The following ARID4A variants were observed in gnomAD, a reference collection of about 807,000 sequenced individuals.
ARID4A encodes the protein AT-rich interaction domain 4A.
ARID4A carries 39 observed loss-of-function variants against 148.6 expected under a neutral mutation model. The observed-to-expected ratio is 0.26, with a 90% confidence interval of 0.20 to 0.34. ARID4A has a LOEUF of 0.34. ARID4A is among the 10% of genes least tolerant of loss of function. ARID4A has a pLI of 1.00. For synonymous variants in ARID4A, 475 were observed against 481.2 expected, an observed-to-expected ratio of 0.99 and a Z score of 0.17; for missense variants, 1,265 against 1,449.1, an observed-to-expected ratio of 0.87 and a Z score of 2.06.
chr14:58,347,172 A>G (rs2034414141), intron 14 of ARID4A, 55 bp downstream of exon 14: 1 of 1,017,808 alleles, frequency 9.8e-7, no homozygotes. Flanking sequence ...AATATTTTCC[A>G]TTTACTTTGT....
chr14:58,324,050 G>A (rs1395121280), intron 8 of ARID4A, among the ~76,000 whole-genome samples: 1 of 151,578 alleles, frequency 6.6e-6, no homozygotes, highest in Non-Finnish European at 1.5e-5. Flanking sequence ...GACAACAGGC[G>A]CCTGCCACCA....
intron 5 of ARID4A, among the ~76,000 whole-genome samples, chr14:58,312,389 T>C (rs1378929869): frequency 6.6e-6 from 1 of 152,068 alleles, no homozygotes; most frequent in Admixed American, 6.6e-5. Context: ...CTAATTTTTA[T>C]ATTTTTAGTA....
chr14:58,301,297 AT>A, intron 2 of ARID4A, among the ~76,000 whole-genome samples: 1 of 74,434 alleles, frequency 1.3e-5, no homozygotes, highest in African/African-American at 5.1e-5. Context: ...TTCTGCTTAT[AT>A]AATAGTAGAA....
intron 17 of ARID4A, among the ~76,000 whole-genome samples, chr14:58,357,073 A>G (rs1324687232): frequency 3.9e-5 from 6 of 152,284 alleles, no homozygotes; most frequent in East Asian, 1.9e-4. Context: ...AGCCACAACA[A>G]ACAGCTAAGA....
intron 5 of ARID4A, among the ~76,000 whole-genome samples, chr14:58,317,054 G>T (rs748584851): frequency 1.3e-5 from 2 of 150,074 alleles, no homozygotes; most frequent in African/African-American, 2.4e-5. Context: ...TTAGCCGGGC[G>T]TGGTGACGTG....
At chr14:58,329,725 TCTTA>T (rs1308835487) in intron 10 of ARID4A, 121 bp downstream of exon 10, 10 of 984,330 alleles carry the variant, frequency 1.0e-5, no homozygotes, top group Non-Finnish European at 1.4e-5. Context: ...TGATATCCAC[TCTTA>T]CTTGATTTTT....
chr14:58,355,196 TG>T (rs563715424), intron 17 of ARID4A, among the ~76,000 whole-genome samples: 114 of 152,336 alleles, frequency 7.5e-4, no homozygotes, highest in African/African-American at 2.6e-3. Context: ...AGACTGCTCC[TG>T]GGTTTCTCTA....
chr14:58,337,729 AT>A (rs2033905180), intron 11 of ARID4A, among the ~76,000 whole-genome samples: 1 of 152,204 alleles, frequency 6.6e-6, no homozygotes, highest in Admixed American at 6.5e-5. Context: ...AGTAAAAGTT[AT>A]TGAGTAACAA....
Position 58,305,969 on chromosome 14 carries a change from G to C in ARID4A, c.184-53G>C, listed in dbSNP as rs1167437044. ...GCTAGATTATATAGTTGGTGGGAGT[G>C]ATTTGGTTTATTTGTTTAAATTTGG... On this transcript the variant is annotated intron_variant, in intron 4 of 23. Coordinates refer to ENST00000355431, the MANE Select transcript of ARID4A (RefSeq NM_002892.4). The C allele has an allele frequency of 6.2e-6, 8 of 1,294,454 alleles. No homozygotes were observed. In the East Asian group the frequency reaches 1.8e-4, roughly 30 times the overall value. The allele number at this position is 1,294,454 out of a possible 1,614,324, so 80.2% of individuals were successfully genotyped here. A position where few individuals can be genotyped will look rare whatever the true frequency, so the allele number is the denominator to read the frequency against.
At chr14:58,318,275 TAAG>T (rs912078280) in intron 5 of ARID4A, among the ~76,000 whole-genome samples, 84 of 152,298 alleles carry the variant, frequency 5.5e-4, no homozygotes, top group African/African-American at 1.9e-3. Flanking sequence ...GCTAATGAGT[TAAG>T]AAGGTGGTTC....
rs2035687747 is a variant in ARID4A, at chr14:58,373,467, C to T, written c.*1478C>T. On this transcript the variant is annotated 3_prime_UTR_variant, in exon 24 of 24. Coordinates refer to ENST00000355431, the MANE Select transcript of ARID4A (RefSeq NM_002892.4). ...AGAATAATAACCTAGATGCTCTAGA[C>T]TGTATATCAGGATCTGATTTACAAG... The T allele has an allele frequency of 5.6e-6, 1 of 179,740 alleles. No homozygotes were observed. Among genetic ancestry groups the T allele is most frequent in the Admixed American group, 6.3e-5 (1 of 15,858 alleles). The allele number at this position is 179,740 out of a possible 1,614,324, so 11.1% of individuals were successfully genotyped here.
intron 17 of ARID4A, among the ~76,000 whole-genome samples, chr14:58,358,775 T>G (rs1228931065): frequency 1.3e-5 from 2 of 152,228 alleles, no homozygotes; most frequent in Non-Finnish European, 2.9e-5. Context: ...TATTATTCAT[T>G]CAATAGCACG....
chr14:58,365,488 T>TTTAAAAAA, intron 20 of ARID4A, 30 bp from the exon 21 acceptor site: 3 of 1,135,262 alleles, frequency 2.6e-6, no homozygotes, highest in Admixed American at 2.6e-5. Context: ...TTTTTTTTTT[T>TTTAAAAAA]TCAACATTCT....
At chr14:58,322,573 A>G (rs1413506256) in intron 7 of ARID4A, among the ~76,000 whole-genome samples, 1 of 152,186 alleles carries the variant, frequency 6.6e-6, no homozygotes, top group Non-Finnish European at 1.5e-5. Flanking sequence ...TAAAAATATA[A>G]TGAACCAAGT....
intron 8 of ARID4A, 96 bp from the exon 9 acceptor site, chr14:58,328,141 T>C: frequency 1.2e-6 from 1 of 827,028 alleles, no homozygotes; most frequent in Non-Finnish European, 2.0e-6. Flanking sequence ...TATAATCTAT[T>C]TGAGAAGTTA....
intron 12 of ARID4A, among the ~76,000 whole-genome samples, chr14:58,345,682 AATCTT>A (rs1444811984): frequency 6.6e-6 from 1 of 150,774 alleles, no homozygotes; most frequent in South Asian, 2.1e-4. Flanking sequence ...CCAGGGTATA[AATCTT>A]ATCTTTTCTG....
At chr14:58,348,356 A>C (rs1343539394) in intron 15 of ARID4A, among the ~76,000 whole-genome samples, 1 of 152,216 alleles carries the variant, frequency 6.6e-6, no homozygotes, top group East Asian at 1.9e-4. Context: ...GACAGATGCC[A>C]CGCATTTAGA....
At position 58,360,980 on chromosome 14, in the gene ARID4A, C is replaced by T. The variant is rs1320194742; in HGVS notation, c.2018C>T (p.Ser673Leu). 6.2e-7 allele frequency: 1 copy of T among 1,613,942 alleles called. No homozygotes were observed. Among genetic ancestry groups the T allele is most frequent in the Non-Finnish European group, 8.5e-7 (1 of 1,180,000 alleles). Residue 673 changes from serine (S) to leucine (L), a missense_variant, in exon 19 of 24, where the codon TCA becomes TTA. Physicochemically the swap from Ser to Leu is moderately radical, Grantham distance 145. Coordinates refer to ENST00000355431, the MANE Select transcript of ARID4A (RefSeq NM_002892.4). Reference protein sequence around the residue: ...KSKRGRPPLKSTLSSNMPYGL... With the variant: ...KSKRGRPPLKLTLSSNMPYGL... ...AAACGGGGACGACCTCCTTTAAAATCAACCCTCTCATCAAACATGCCGTAT... is the reference window on the plus strand; with the variant it reads ...AAACGGGGACGACCTCCTTTAAAATTAACCCTCTCATCAAACATGCCGTAT...
intron 15 of ARID4A, among the ~76,000 whole-genome samples, chr14:58,348,107 A>G (rs767611470): frequency 6.6e-6 from 1 of 152,078 alleles, no homozygotes; most frequent in Non-Finnish European, 1.5e-5. Flanking sequence ...CTTGTCTGGG[A>G]TGAATCCCAG....
Sources: gnomAD v4.1 joint callset for allele counts (sites outside exome capture counted in the v4.1 genomes callset) on GRCh38, gnomAD v4.1.1 for gene constraint, MANE v1.5 for transcripts, NCBI Gene and HGNC (gene_info 2026-07-23, HGNC 2026-07-21) for gene names.